PNLDC1: variants seen among roughly 807,000 people sequenced by gnomAD.
PNLDC1 encodes poly(A)-specific ribonuclease PNLDC1.
In PNLDC1, 70 loss-of-function variants were observed where a neutral mutation model predicts 82.0. The ratio of observed to expected loss-of-function variants is 0.85; its 90% CI spans 0.70 to 1.04. The LOEUF (loss-of-function observed/expected upper bound fraction) is 1.04, where lower values mean the gene tolerates loss of function less well. PNLDC1 is among the 50% of genes least tolerant of loss of function. PNLDC1 has a pLI of 0.00. For synonymous variants in PNLDC1, 280 were observed against 249.3 expected (o/e 1.12, Z -1.16); for missense variants, 631 against 661.1 (o/e 0.95, Z 0.50).
At chr6:159,806,214 C>T in intron 7 of PNLDC1, 131 bp downstream of exon 7, 1 of 707,552 alleles carries the variant, frequency 1.4e-6, no homozygotes, top group South Asian at 1.5e-5. Context: ...CTGATGCAAG[C>T]ATTTGTTTGG....
At chr6:159,817,020 T>A (rs1781857929) in intron 14 of PNLDC1, 89 bp from the exon 15 acceptor site, 2 of 1,330,476 alleles carry the variant, frequency 1.5e-6, no homozygotes, top group African/African-American at 2.9e-5. Context: ...TCTACATTTA[T>A]TTCAGATTGG....
intron 1 of PNLDC1, 182 bp from the exon 2 acceptor site, chr6:159,800,590 C>A: frequency 6.6e-7 from 1 of 1,509,516 alleles, no homozygotes; most frequent in Non-Finnish European, 9.0e-7. Flanking sequence ...TGGCCAGAGC[C>A]CCGTGCGCCC....
In PNLDC1 at chr6:159,818,846, C is replaced by T; in HGVS notation, c.1258-100C>T. 5.7e-6 allele frequency: 8 copies of T among 1,391,614 alleles called. No homozygotes were observed. The South Asian group carries it at 7.9e-5, about 14-fold the overall frequency. The allele number at this position is 1,391,614 out of a possible 1,614,324, so 86.2% of individuals were successfully genotyped here. A position where few individuals can be genotyped will look rare whatever the true frequency, so the allele number is the denominator to read the frequency against. On this transcript the variant is annotated intron_variant, in intron 16 of 18. Transcript: ENST00000392167. ...ATCCTTCCTTCTCTTCCCCTCCCTG[C>T]CCCAAGCAGAGCCTTTCCTAGTTTC...
At chr6:159,809,244 A>G in intron 9 of PNLDC1, 86 bp downstream of exon 9, 2 of 1,517,054 alleles carry the variant, frequency 1.3e-6, no homozygotes, top group Non-Finnish European at 1.8e-6. Context: ...CAACAACAAG[A>G]TAAAATTCTT....
intron 13 of PNLDC1, among the ~76,000 whole-genome samples, 186 bp from the exon 14 acceptor site, chr6:159,816,357 G>A (rs555157150): frequency 9.9e-5 from 15 of 151,358 alleles, no homozygotes; most frequent in African/African-American, 3.6e-4. Context: ...CTATAAGGCA[G>A]CTCTGATCTT....
intron 7 of PNLDC1, 21 bp from the exon 8 acceptor site, chr6:159,808,719 C>A (rs761150836): frequency 8.1e-6 from 13 of 1,606,800 alleles, no homozygotes; most frequent in South Asian, 1.1e-5. Flanking sequence ...TGCTGTGTGC[C>A]CCTGTGTTTC....
chr6:159,816,084 T>G, intron 13 of PNLDC1, 51 bp downstream of exon 13: 1 of 1,386,842 alleles, frequency 7.2e-7, no homozygotes, highest in Middle Eastern at 1.9e-4. Flanking sequence ...AGTGCTGAGG[T>G]GCTCAGCTGA....
Position 159,809,071 on chromosome 6 carries a change from T to G in PNLDC1, c.696T>G (p.Cys232Trp). Residue 232 changes from cysteine (C) to tryptophan (W), a missense_variant, in exon 9 of 19, where the codon TGT becomes TGG. By Grantham distance (215) the Cys-to-Trp change is radical. Coordinates refer to ENST00000392167, the MANE Select transcript of PNLDC1 (RefSeq NM_001271862.2). Reference protein sequence around the residue: ...QHRWYLQNTSCDRESCWKENI... With the variant: ...QHRWYLQNTSWDRESCWKENI... ...GTTGGTATCTTCAGAACACCTCTTG[T>G]GACCGAGAGAGCTGTTGGAAGGAAA... 12 of 1,614,096 alleles carry G rather than the reference T, an allele frequency of 7.4e-6. No individual in the cohort carries two copies. The highest frequency in any genetic ancestry group is 1.0e-5 in the Non-Finnish European group (12 of 1,180,002).
intron 12 of PNLDC1, among the ~76,000 whole-genome samples, chr6:159,814,180 C>T (rs1157030763): frequency 1.3e-5 from 2 of 152,198 alleles, no homozygotes; most frequent in Non-Finnish European, 2.9e-5. Flanking sequence ...GCCTTGTCTC[C>T]TTCACTCTGC....
Position 159,817,023 on chromosome 6 carries a change from C to G in PNLDC1, c.1115-86C>G, listed in dbSNP as rs75375294. Reference sequence around the variant, plus strand: ...CCGTCCCTAGATTCTACATTTATTTCAGATTGGCTTGCACATAATGAGATA... The same window carrying G: ...CCGTCCCTAGATTCTACATTTATTTGAGATTGGCTTGCACATAATGAGATA... On this transcript the variant is annotated intron_variant, in intron 14 of 18. Transcript: ENST00000392167. 2.7e-4 allele frequency: 357 copies of G among 1,340,268 alleles called. No individual in the cohort carries two copies. In the African/African-American group the frequency reaches 4.8e-3, roughly 18 times the overall value. The allele number at this position is 1,340,268 out of a possible 1,614,324, so 83.0% of individuals were successfully genotyped here.
rs147812582 is a variant in PNLDC1 at position 159,819,068 on chromosome 6, T to C, written c.1380T>C (p.Asp460=). ...AGTTTCAGAATCTCTGCAAGTTTGA[T>C]GTCAGGCGACTCACAAGAAGCCAGT... ...YHKFQNLCKF[D]VRRLTRSQFL... The change falls in exon 17 of 19, where the codon GAT becomes GAC. Residue 460 remains aspartate, a synonymous_variant. Transcript: ENST00000392167. The surrounding 1 kb of genome is among the most constrained non-coding windows in gnomAD (Gnocchi z 4.6). 6.2e-7 allele frequency: 1 copy of C among 1,614,058 alleles called. No individual in the cohort carries two copies. The highest frequency in any genetic ancestry group is 8.5e-7 in the Non-Finnish European group (1 of 1,180,010).
Position 159,806,058 on chromosome 6 carries a change from C to G in PNLDC1, c.537C>G (p.Asp179Glu). The change falls in exon 7 of 19, where the codon GAC (aspartate) becomes GAG (glutamate). Residue 179 changes from aspartate to glutamate, a missense_variant. Asp to Glu is a conservative substitution (Grantham distance 45, BLOSUM62 2). Transcript: ENST00000392167. ...TRWLELAKEGDWMTLPGITGF... is the reference protein window; with the variant it reads ...TRWLELAKEGEWMTLPGITGF... Reference sequence around the variant, plus strand: ...GGCTGGAGCTGGCCAAGGAAGGCGACTGGATGACTCTTCCTGGGATCACTG... The same window carrying G: ...GGCTGGAGCTGGCCAAGGAAGGCGAGTGGATGACTCTTCCTGGGATCACTG... The G allele has an allele frequency of 6.2e-7, 1 of 1,614,048 alleles. No homozygotes were observed. Among genetic ancestry groups the G allele is most frequent in the Non-Finnish European group, 8.5e-7 (1 of 1,179,928 alleles).
chr6:159,800,103 T>G, upstream of PNLDC1: 2 of 521,592 alleles, frequency 3.8e-6, no homozygotes, highest in Non-Finnish European at 6.9e-6. Flanking sequence ...CAATCAAACC[T>G]CTGTAGCAAA....
In PNLDC1 at chr6:159,800,340, C is replaced by CT. The variant is rs1562494162; in HGVS notation, c.33_34insT (p.Leu12SerfsTer26). Reference sequence around the variant, plus strand: ...TGGGCGCCGACGAGTTCGAGGAGAGCCTCCCTCTGCTGCAGGAGCTCGTCC... The same window carrying CT: ...TGGGCGCCGACGAGTTCGAGGAGAGCTCTCCCTCTGCTGCAGGAGCTCGTCC... On this transcript the variant is annotated frameshift_variant, in exon 1 of 19. Coordinates refer to ENST00000392167, the MANE Select transcript of PNLDC1 (RefSeq NM_001271862.2). LOFTEE classifies it high-confidence loss of function. 1 of 1,547,678 alleles carries CT rather than the reference C, an allele frequency of 6.5e-7. No individual in the cohort carries two copies. Among genetic ancestry groups the CT allele is most frequent in the South Asian group, 1.2e-5 (1 of 83,886 alleles).
Position 159,800,284 on chromosome 6 carries a change from G to A in PNLDC1, c.-24G>A. On this transcript the variant is annotated 5_prime_UTR_variant, in exon 1 of 19. Coordinates refer to ENST00000392167, the MANE Select transcript of PNLDC1 (RefSeq NM_001271862.2). ...CGTGGGCAGCACGTGATAGCGCTGG[G>A]CGACTCCGCGGAGCTGCACGGCCAT... is the stretch of plus-strand genomic sequence containing the variant. 1 of 1,540,298 alleles carries A rather than the reference G, an allele frequency of 6.5e-7. No homozygotes were observed. The highest frequency in any genetic ancestry group is 2.5e-5 in the East Asian group (1 of 40,594).
chr6:159,820,136 C>T (rs1380475337), intron 18 of PNLDC1, among the ~76,000 whole-genome samples: 3 of 152,164 alleles, frequency 2.0e-5, no homozygotes, highest in Non-Finnish European at 4.4e-5. Flanking sequence ...GAGTCCTGAA[C>T]AGCTGGAAAG....
chr6:159,813,490 T>G, intron 11 of PNLDC1, 111 bp from the exon 12 acceptor site: 1 of 888,112 alleles, frequency 1.1e-6, no homozygotes, highest in Non-Finnish European at 1.9e-6. Context: ...AAGAGGAGGT[T>G]GTAGGAGTGA....
intron 11 of PNLDC1, 133 bp downstream of exon 11, chr6:159,811,919 A>AGAGG (rs977701473): frequency 1.4e-6 from 1 of 702,242 alleles, no homozygotes; most frequent in African/African-American, 1.9e-5. Context: ...GTTTTGTTTG[A>AGAGG]GAGGGAGTCT....
rs1781839366 is a variant in PNLDC1, at chr6:159,816,577, T to C, written c.1095T>C (p.Asp365=). ...ETKCPHEAAY[D]AFLCGSVLLK... Reference sequence around the variant, plus strand: ...AGTGCCCCCACGAAGCCGCGTATGATGCCTTCCTCTGTGGGTCAGGTAAGG... The same window carrying C: ...AGTGCCCCCACGAAGCCGCGTATGACGCCTTCCTCTGTGGGTCAGGTAAGG... The change falls in exon 14 of 19, where the codon GAT becomes GAC. Residue 365 remains aspartate (D), a synonymous_variant. Coordinates refer to ENST00000392167, the MANE Select transcript of PNLDC1 (RefSeq NM_001271862.2). 1.9e-6 allele frequency: 3 copies of C among 1,613,572 alleles called. No homozygotes were observed. Among genetic ancestry groups the C allele is most frequent in the Non-Finnish European group, 8.5e-7 (1 of 1,179,908 alleles).
Sources: allele counts gnomAD v4.1 joint callset (sites outside exome capture counted in the v4.1 genomes callset), GRCh38; gene constraint gnomAD v4.1.1; non-coding constraint Gnocchi (gnomAD v3.1); transcripts MANE v1.5; gene names NCBI Gene and HGNC (gene_info 2026-07-23, HGNC 2026-07-21).